The following C8orf34 variants were observed in gnomAD, a reference collection of about 807,000 sequenced individuals.
The protein encoded by C8orf34 is chromosome 8 open reading frame 34, also known as uncharacterized protein C8orf34.
Under a neutral mutation model 68.3 loss-of-function variants are expected in C8orf34, and 65 were observed. The ratio of observed to expected loss-of-function variants is 0.95; its 90% CI spans 0.78 to 1.17. The LOEUF is 1.17. Ranked by LOEUF, C8orf34 falls within the 50% of genes most tolerant of loss-of-function variation. The pLI is 0.00. For synonymous variants in C8orf34, 244 were observed against 241.2 expected (o/e 1.01, Z -0.11); for missense variants, 664 against 655.4 (o/e 1.01, Z -0.14).
chr8:68,783,797 T>C (rs906712030), intron 11 of C8orf34, among the ~76,000 whole-genome samples: 1 of 152,142 alleles, frequency 6.6e-6, no homozygotes, highest in African/African-American at 2.4e-5. Flanking sequence ...ACTGAGGCTG[T>C]GTCACAGGTA....
chr8:68,542,724 T>C (rs1429723690), intron 7 of C8orf34, among the ~76,000 whole-genome samples: 1 of 152,152 alleles, frequency 6.6e-6, no homozygotes, highest in Non-Finnish European at 1.5e-5. Flanking sequence ...ACATACATTT[T>C]ATTTATTTAT....
chr8:68,671,043 TG>T (rs1224171410), intron 8 of C8orf34, among the ~76,000 whole-genome samples: 2 of 152,220 alleles, frequency 1.3e-5, no homozygotes, highest in Admixed American at 1.3e-4. Flanking sequence ...AATATAGTTT[TG>T]AATAGTTAAC....
In C8orf34 at chr8:68,553,676, G is replaced by A. The variant is rs147213311; in HGVS notation, c.1105+20527G>A. Among the ~76,000 whole-genome samples the A allele has an allele frequency of 4.3e-3, 651 of 151,790 alleles. 10 individuals are homozygous for A. Among genetic ancestry groups the A allele is most frequent in the African/African-American group, 0.015 (608 of 41,416 alleles). ...TTCAGAGCATTCCTTTTTTATATCC[G>A]TATGGTCAGTAGCCCCCTTTTTTAT... On this transcript the variant is annotated intron_variant, in intron 7 of 13. Coordinates refer to ENST00000518698, the MANE Select transcript of C8orf34 (RefSeq NM_052958.4).
chr8:68,612,613 C>T (rs1023566438), intron 7 of C8orf34, among the ~76,000 whole-genome samples: 3 of 152,094 alleles, frequency 2.0e-5, no homozygotes, highest in African/African-American at 7.2e-5. Context: ...TTTATACATT[C>T]AATGAACATT....
At chr8:68,426,826 G>T (rs1383307195) in intron 1 of C8orf34, among the ~76,000 whole-genome samples, 1 of 151,342 alleles carries the variant, frequency 6.6e-6, no homozygotes, top group Non-Finnish European at 1.5e-5. Context: ...CTGAGGTCGC[G>T]CCATTGCACT....
intron 7 of C8orf34, among the ~76,000 whole-genome samples, chr8:68,602,127 G>C (rs762642708): frequency 6.6e-6 from 1 of 152,136 alleles, no homozygotes; most frequent in Non-Finnish European, 1.5e-5. Flanking sequence ...CACGATGGGA[G>C]CAGTGAGTTA....
At chr8:68,785,715 G>A (rs988053982) in intron 11 of C8orf34, among the ~76,000 whole-genome samples, 2 of 152,066 alleles carry the variant, frequency 1.3e-5, no homozygotes, top group African/African-American at 4.8e-5. Flanking sequence ...ATACATTAAA[G>A]CTTATGGTAT....
chr8:68,523,690 T>C (rs1035901407), intron 6 of C8orf34, among the ~76,000 whole-genome samples: 1 of 151,904 alleles, frequency 6.6e-6, no homozygotes, highest in African/African-American at 2.4e-5. Flanking sequence ...CATCTTCTAA[T>C]ACAAAATAGG....
At chr8:68,700,548 T>A (rs1170314314) in intron 8 of C8orf34, among the ~76,000 whole-genome samples, 3 of 152,072 alleles carry the variant, frequency 2.0e-5, no homozygotes. Flanking sequence ...ATAGACAGCA[T>A]TTGAATTAGA....
chr8:68,343,215 T>C (rs886571937), intron 1 of C8orf34, among the ~76,000 whole-genome samples: 2 of 152,130 alleles, frequency 1.3e-5, no homozygotes, highest in African/African-American at 4.8e-5. Flanking sequence ...GAAAAGATGT[T>C]CAAAACCATT....
chr8:68,539,589 C>A (rs541722060), intron 7 of C8orf34, among the ~76,000 whole-genome samples: 1 of 152,096 alleles, frequency 6.6e-6, no homozygotes, highest in African/African-American at 2.4e-5. Flanking sequence ...CGGTGGCTCA[C>A]GCCTGTAATC....
chr8:68,439,335 G>C (rs1216324107), intron 1 of C8orf34, 164 bp from the exon 2 acceptor site: 2 of 551,124 alleles, frequency 3.6e-6, no homozygotes, highest in Non-Finnish European at 6.2e-6. Context: ...CAGAATGAGG[G>C]CAGTAACTTG....
chr8:68,532,901 T>A, intron 6 of C8orf34, 82 bp from the exon 7 acceptor site: 1 of 979,486 alleles, frequency 1.0e-6, no homozygotes, highest in Non-Finnish European at 1.5e-6. Context: ...CACATACGTG[T>A]GTAATAAAAT....
intron 1 of C8orf34, among the ~76,000 whole-genome samples, chr8:68,368,464 TTTTA>T (rs139168300): frequency 0.034 from 5,164 of 152,164 alleles, 161 homozygotes; most frequent in African/African-American, 0.083. Flanking sequence ...TCTCTACAGA[TTTTA>T]TTTATTTATG....
intron 9 of C8orf34, among the ~76,000 whole-genome samples, chr8:68,712,214 A>T (rs1395417053): frequency 6.6e-6 from 1 of 152,212 alleles, no homozygotes; most frequent in Non-Finnish European, 1.5e-5. Context: ...AATCCCTGAA[A>T]TACACCAAAG....
chr8:68,796,605 G>A (rs1824183217), intron 12 of C8orf34, among the ~76,000 whole-genome samples: 1 of 152,116 alleles, frequency 6.6e-6, no homozygotes, highest in Non-Finnish European at 1.5e-5. Context: ...AGCTTTTCAA[G>A]AGGAGCAAAG....
intron 7 of C8orf34, chr8:68,625,732 ACAGCAATTTTAGTATATGGC>A (rs1276175768): frequency 1.8e-6 from 1 of 570,088 alleles, no homozygotes; most frequent in Non-Finnish European, 3.2e-6. Flanking sequence ...ATATACATCA[ACAGCAATTTTAGTATATGGC>A]CAGCAAGGGT....
chr8:68,391,569 C>T (rs1808479366), intron 1 of C8orf34, among the ~76,000 whole-genome samples: 1 of 152,162 alleles, frequency 6.6e-6, no homozygotes, highest in Non-Finnish European at 1.5e-5. Context: ...TATCTTCTTT[C>T]CTTAAGCAAT....
chr8:68,380,140 G>A (rs1212614127), intron 1 of C8orf34, among the ~76,000 whole-genome samples: 1 of 152,152 alleles, frequency 6.6e-6, no homozygotes, highest in Non-Finnish European at 1.5e-5. Flanking sequence ...GGAATTATAG[G>A]CGTGAGCCAC....
Sources: allele counts gnomAD v4.1 joint callset (sites outside exome capture counted in the v4.1 genomes callset), GRCh38; gene constraint gnomAD v4.1.1; transcripts MANE v1.5; gene names NCBI Gene and HGNC (gene_info 2026-07-23, HGNC 2026-07-21).